The following CDK12 variants were observed in gnomAD, a reference collection of about 807,000 sequenced individuals.
CDK12 encodes the protein cyclin-dependent kinase 12.
A neutral mutation model predicts 133.8 loss-of-function variants in CDK12; 17 were observed. That is an observed-to-expected ratio of 0.13 (90% CI 0.09 to 0.19). CDK12 has a LOEUF of 0.19. Among genes scored for constraint, CDK12 ranks in the 10% least tolerant of loss-of-function variants. The probability of loss-of-function intolerance (pLI) is 1.00; values close to 1 mark genes in which losing one functional copy is unlikely to be tolerated. For synonymous variants in CDK12, 694 were observed against 683.6 expected (o/e 1.02, Z -0.24); for missense variants, 1,508 against 1,818.7 (o/e 0.83, Z 3.11).
At chr17:39,493,760 G>A (rs2051837675) in intron 4 of CDK12, among the ~76,000 whole-genome samples, 1 of 152,088 alleles carries the variant, frequency 6.6e-6, no homozygotes, top group African/African-American at 2.4e-5. Context: ...CACTTTGGGA[G>A]GCCAGGTGGG....
Position 39,471,589 on chromosome 17 carries a change from C to G in CDK12, c.1757C>G (p.Pro586Arg). The G allele has an allele frequency of 6.2e-7, 1 of 1,614,114 alleles. No individual in the cohort carries two copies. The highest frequency in any genetic ancestry group is 1.1e-5 in the South Asian group (1 of 91,074). The change falls in exon 2 of 14, where the codon CCT (proline) becomes CGT (arginine). Residue 586 changes from proline (P) to arginine (R), a missense_variant. Transcript: ENST00000447079. The stretch of plus-strand genomic sequence containing the variant: ...GCTTCCAGTACTTCAACTTTGCCCC[C>G]TTCTACTCACTCAAAGACATCTGCT... ...VPASSTSTLP[P>R]STHSKTSAVS...
intron 2 of CDK12, among the ~76,000 whole-genome samples, chr17:39,485,709 G>C: frequency 6.6e-6 from 1 of 151,184 alleles, no homozygotes; most frequent in Non-Finnish European, 1.5e-5. Flanking sequence ...ACTGTGCCTG[G>C]CCCCTGTCTC....
chr17:39,466,389 C>T (rs1373168356), intron 1 of CDK12, among the ~76,000 whole-genome samples: 3 of 149,902 alleles, frequency 2.0e-5, no homozygotes, highest in Non-Finnish European at 4.4e-5. Flanking sequence ...CTGAGGCAGG[C>T]GGATCACCTG....
At chr17:39,530,572 G>A in intron 13 of CDK12, 32 bp from the exon 14 acceptor site, 2 of 1,529,828 alleles carry the variant, frequency 1.3e-6, no homozygotes, top group South Asian at 2.6e-5. Flanking sequence ...TGCTTTTTAA[G>A]ATGGTGTTTA....
intron 8 of CDK12, 100 bp downstream of exon 8, chr17:39,511,730 T>G: frequency 1.7e-6 from 1 of 584,310 alleles, no homozygotes; most frequent in Non-Finnish European, 2.9e-6. Flanking sequence ...CTTCTTAAGT[T>G]CAGAAGGATG....
rs1567794376 is a variant in CDK12, at chr17:39,532,110, C to CTA, written c.*795_*796insAT. 1,158 of 132,164 alleles carry CTA rather than the reference C, an allele frequency of 8.8e-3. 4 individuals carry two copies. The highest frequency in any genetic ancestry group is 0.016 in the Non-Finnish European group (928 of 58,654). The allele number at this position is 132,164 out of a possible 1,614,324, so 8.2% of individuals were successfully genotyped here. On this transcript the variant is annotated 3_prime_UTR_variant, in exon 14 of 14. Coordinates refer to ENST00000447079, the MANE Select transcript of CDK12 (RefSeq NM_016507.4). ...GTGCTCTCTCTCTCTCTTTCTCTCTCTCTCTCTCTCTCTCTCTCTCTCTCT... is the reference window on the plus strand; with the variant it reads ...GTGCTCTCTCTCTCTCTTTCTCTCTCTATCTCTCTCTCTCTCTCTCTCTCTCT...
chr17:39,512,270 T>C (rs976197393), intron 8 of CDK12, among the ~76,000 whole-genome samples: 4 of 152,146 alleles, frequency 2.6e-5, no homozygotes, highest in Admixed American at 1.3e-4. Context: ...TTTTTACTTT[T>C]AGCAAATTGT....
At position 39,462,693 on chromosome 17, in the gene CDK12, A is replaced by C; in HGVS notation, c.622A>C (p.Lys208Gln). ...SKSHRKRETP[K>Q]SYKTVDSPKR... ...AAGTCATCGAAAAAGGGAAACACCC[A>C]AAAGTTACAAAACAGTGGACAGCCC... Residue 208 changes from lysine to glutamine, a missense_variant, in exon 1 of 14, where the codon AAA becomes CAA. Around this residue, in one of 9 missense-constraint regions of CDK12, gnomAD observed 460 missense variants for 490.8 expected, o/e 0.94. Coordinates refer to ENST00000447079, the MANE Select transcript of CDK12 (RefSeq NM_016507.4). The C allele has an allele frequency of 1.2e-6, 2 of 1,614,238 alleles. No individual in the cohort carries two copies. The highest frequency in any genetic ancestry group is 1.1e-5 in the South Asian group (1 of 91,090).
At chr17:39,545,000 C>T (rs968907415), upstream of CDK12, among the ~76,000 whole-genome samples, 1 of 152,112 alleles carries the variant, frequency 6.6e-6, no homozygotes, top group Non-Finnish European at 1.5e-5. Context: ...TTTTATTTGA[C>T]CCTATATTCT....
chr17:39,520,211 G>A (rs2054079456), intron 11 of CDK12, 124 bp downstream of exon 11: 1 of 979,098 alleles, frequency 1.0e-6, no homozygotes, highest in African/African-American at 1.6e-5. Flanking sequence ...GAGTATTATG[G>A]TTGAGGTTTG....
At chr17:39,523,042 T>C (rs527738177) in intron 11 of CDK12, among the ~76,000 whole-genome samples, 2 of 151,968 alleles carry the variant, frequency 1.3e-5, no homozygotes, top group African/African-American at 4.8e-5. Flanking sequence ...CATAGAGTGA[T>C]ACTCCATCTC....
chr17:39,476,169 C>T (rs1185751024), intron 2 of CDK12, among the ~76,000 whole-genome samples: 1 of 151,700 alleles, frequency 6.6e-6, no homozygotes, highest in African/African-American at 2.4e-5. Flanking sequence ...GGCTGGAGTG[C>T]AGTGGCAAGA....
At chr17:39,492,393 G>A (rs2051698845) in intron 3 of CDK12, among the ~76,000 whole-genome samples, 1 of 145,886 alleles carries the variant, frequency 6.9e-6, no homozygotes, top group Non-Finnish European at 1.5e-5. Context: ...ACCGAGCCCG[G>A]CCAATTTCAT....
At chr17:39,530,489 T>A in intron 13 of CDK12, 115 bp from the exon 14 acceptor site, 1 of 1,412,100 alleles carries the variant, frequency 7.1e-7, no homozygotes, top group African/African-American at 1.4e-5. Flanking sequence ...ATTTTATTCT[T>A]TATATATCTG....
At position 39,461,884 on chromosome 17, in the gene CDK12, C is replaced by T. The variant is rs1376196986; in HGVS notation, c.-188C>T. ...TCATTTCTTCCCTCGCTCCTTCACC[C>T]CCCACCTCATGTAGAAGGGTGCTGA... On this transcript the variant is annotated 5_prime_UTR_variant, in exon 1 of 14. Transcript: ENST00000447079. 1.7e-6 allele frequency: 1 copy of T among 600,308 alleles called. No homozygotes were observed. Among genetic ancestry groups the T allele is most frequent in the African/African-American group, 1.9e-5 (1 of 53,772 alleles). 37.2% of individuals were successfully genotyped at this position (600,308 alleles called of 1,614,324 possible). A position where few individuals can be genotyped will look rare whatever the true frequency, so the allele number is the denominator to read the frequency against.
rs71147345 is a variant in CDK12, at chr17:39,482,599, A to ATTTTTTTTTTTTTTTTTTTTTTT, written c.1932-7937_1932-7936insTTTTTTTTTTTTTTTTTTTTTTT. Among the ~76,000 whole-genome samples the ATTTTTTTTTTTTTTTTTTTTTTT allele has an allele frequency of 1.2e-4, 9 of 74,422 alleles. 1 individual carries two copies. The highest frequency in any genetic ancestry group is 1.3e-4 in the African/African-American group (3 of 23,486). 48.8% of individuals were successfully genotyped at this position (74,422 alleles called of 152,430 possible). A position where few individuals can be genotyped will look rare whatever the true frequency, so the allele number is the denominator to read the frequency against. The stretch of plus-strand genomic sequence containing the variant: ...GCTGCCAAAGTGAACAATCAACTAC[A>ATTTTTTTTTTTTTTTTTTTTTTT]TTTTTTTTTTTTTTTTTTTTTGAGG... On this transcript the variant is annotated intron_variant, in intron 2 of 13. Transcript: ENST00000447079.
In CDK12 at chr17:39,481,585, C is replaced by A. The variant is rs1482130344; in HGVS notation, c.1932-8972C>A. Among the ~76,000 whole-genome samples, 4 of 150,856 alleles carry A rather than the reference C, an allele frequency of 2.7e-5. No homozygotes were observed. In the East Asian group the frequency reaches 7.8e-4, roughly 30 times the overall value. On this transcript the variant is annotated intron_variant, in intron 2 of 13. Transcript: ENST00000447079. ...TTGGTCTTCCAAAGTGCTGGAATTA[C>A]ACGTGTGAGCCACTGCGCCCAGCAC... is the stretch of plus-strand genomic sequence containing the variant.
intron 13 of CDK12, among the ~76,000 whole-genome samples, chr17:39,529,488 C>T (rs2054695732): frequency 2.6e-5 from 4 of 152,008 alleles, no homozygotes; most frequent in Admixed American, 2.6e-4. Flanking sequence ...AAAGAAAAAT[C>T]GGTCATTTGG....
upstream of CDK12, among the ~76,000 whole-genome samples, chr17:39,545,335 G>A (rs941900685): frequency 6.6e-6 from 1 of 151,822 alleles, no homozygotes; most frequent in Non-Finnish European, 1.5e-5. Context: ...CTAGAGGCGT[G>A]TGCCACCATG....
Sources: gnomAD v4.1 joint callset for allele counts (sites outside exome capture counted in the v4.1 genomes callset) on GRCh38, gnomAD v4.1.1 for gene constraint, gnomAD v4.1.1 regional missense constraint, MANE v1.5 for transcripts, NCBI Gene and HGNC (gene_info 2026-07-23, HGNC 2026-07-21) for gene names.